ANKRD30BL: variants seen among roughly 807,000 people sequenced by gnomAD.
ANKRD30BL encodes the protein putative ankyrin repeat domain-containing protein 30B-like.
In ANKRD30BL, 20 loss-of-function variants were observed where a neutral mutation model predicts 18.4. The observed-to-expected ratio is 1.09, with a 90% CI of 0.77 to 1.58. The LOEUF (loss-of-function observed/expected upper bound fraction) is 1.58. Ranked by LOEUF, ANKRD30BL falls within the 40% of genes most tolerant of loss-of-function variation. The probability of loss-of-function intolerance (pLI) is 0.00; values close to 1 mark genes in which losing one functional copy is unlikely to be tolerated. For missense variants in ANKRD30BL, 224 were observed against 268.6 expected, an observed-to-expected ratio of 0.83 and a Z score of 1.16; for synonymous variants, 72 against 100.9, an observed-to-expected ratio of 0.71 and a Z score of 1.72.
upstream of ANKRD30BL, among the ~76,000 whole-genome samples, chr2:132,165,415 C>G (rs1251364003): frequency 6.6e-6 from 1 of 151,948 alleles, no homozygotes; most frequent in Non-Finnish European, 1.5e-5. Flanking sequence ...CATTTGCAGC[C>G]AGGCGCGGTG....
chr2:132,208,968 T>C lies in ANKRD30BL; in HGVS notation n.441+48561A>G, dbSNP rs557069862. ...TTTTTGTAGTGTCTGCAAGTGGATATTTGGAGCGCTTTACAGCCTATGGTG... is the reference window on the plus strand; with the variant it reads ...TTTTTGTAGTGTCTGCAAGTGGATACTTGGAGCGCTTTACAGCCTATGGTG... On this transcript the variant is annotated intron_variant and non_coding_transcript_variant, in intron 1 of 4. Transcript: ENST00000470729. Among the ~76,000 whole-genome samples the C allele has an allele frequency of 7.8e-4, 119 of 152,188 alleles. 3 individuals are homozygous for C. In the South Asian group the frequency reaches 0.02, roughly 25 times the overall value.
At chr2:132,220,625 C>T (rs539424557) in intron 1 of ANKRD30BL, among the ~76,000 whole-genome samples, 3,924 of 152,096 alleles carry the variant, frequency 0.026, 153 homozygotes, top group African/African-American at 0.09. Context: ...CTCGGCCTCC[C>T]GAGGTGCCGG....
chr2:132,163,956 T>C (rs1365207833), upstream of ANKRD30BL, among the ~76,000 whole-genome samples: 1 of 152,222 alleles, frequency 6.6e-6, no homozygotes, highest in Non-Finnish European at 1.5e-5. Context: ...ACTATAAATA[T>C]TTCTAAATGT....
chr2:132,162,181 G>T (rs540199490), upstream of ANKRD30BL, among the ~76,000 whole-genome samples: 1 of 152,112 alleles, frequency 6.6e-6, no homozygotes, highest in Non-Finnish European at 1.5e-5. Flanking sequence ...GGGCCCTGGC[G>T]CTGGGCATCG....
chr2:132,152,583 T>C (rs1316774398), intron 4 of ANKRD30BL: 7 of 152,218 alleles, frequency 4.6e-5, no homozygotes, highest in African/African-American at 1.2e-4. Context: ...CCACTACAAC[T>C]TGGGAAAGAT....
intron 1 of ANKRD30BL, among the ~76,000 whole-genome samples, chr2:132,198,324 C>CTTTCTTTCTTTCTT (rs1387738908): frequency 1.8e-4 from 3 of 16,814 alleles, no homozygotes; most frequent in East Asian, 2.6e-3. Flanking sequence ...TTCTTTCTTT[C>CTTTCTTTCTTTCTT]TTTTTTTTTT....
chr2:132,254,330 G>A (rs1253299442), intron 1 of ANKRD30BL, among the ~76,000 whole-genome samples: 15 of 152,322 alleles, frequency 9.8e-5, no homozygotes, highest in Admixed American at 8.5e-4. Context: ...CGTCTCCGTG[G>A]CTTCGCTCTT....
chr2:132,167,531 C>G (rs961637302), intron 1 of ANKRD30BL, among the ~76,000 whole-genome samples: 2 of 151,992 alleles, frequency 1.3e-5, no homozygotes, highest in Admixed American at 6.6e-5. Flanking sequence ...TCATGTTGGT[C>G]GGGCTAGCCT....
chr2:132,155,604 A>C (rs985195609), intron 3 of ANKRD30BL: 4 of 152,208 alleles, frequency 2.6e-5, no homozygotes, highest in Non-Finnish European at 5.9e-5. Flanking sequence ...GGCTATTAAA[A>C]ATTCAGTATA....
intron 1 of ANKRD30BL, among the ~76,000 whole-genome samples, chr2:132,191,855 C>T (rs1226421043): frequency 6.6e-6 from 1 of 151,224 alleles, no homozygotes; most frequent in African/African-American, 2.4e-5. Context: ...CATTATCCTG[C>T]CTCAGCCTCC....
At chr2:132,199,087 C>A (rs1679038228) in intron 1 of ANKRD30BL, among the ~76,000 whole-genome samples, 1 of 152,166 alleles carries the variant, frequency 6.6e-6, no homozygotes, top group South Asian at 2.1e-4. Flanking sequence ...TGCAGTGGCT[C>A]ACGCCTGTAA....
rs1277639939 is a variant in ANKRD30BL, at chr2:132,147,680, T to C, written c.*451A>G. On this transcript the variant is annotated 3_prime_UTR_variant, in exon 6 of 6. Transcript: ENST00000409867. The stretch of plus-strand genomic sequence containing the variant: ...TCACACCGGACAAGGGAGGGGAAAG[T>C]GTTCTTATTTCTAACGCAGCTAGTC... The C allele has an allele frequency of 6.5e-6, 1 of 154,968 alleles. No homozygotes were observed. The highest frequency in any genetic ancestry group is 2.0e-4 in the South Asian group (1 of 5,046). 9.6% of individuals were successfully genotyped at this position (154,968 alleles called of 1,614,324 possible). A position where few individuals can be genotyped will look rare whatever the true frequency, so the allele number is the denominator to read the frequency against.
intron 4 of ANKRD30BL, 129 bp from the exon 5 acceptor site, chr2:132,151,105 A>G (rs1687743268): frequency 2.6e-6 from 1 of 379,148 alleles, no homozygotes; most frequent in South Asian, 3.6e-5. Flanking sequence ...TACTTTTTCC[A>G]TAGACTTTAA....
At chr2:132,202,237 C>A (rs1283219482) in intron 1 of ANKRD30BL, among the ~76,000 whole-genome samples, 1 of 151,984 alleles carries the variant, frequency 6.6e-6, no homozygotes, top group Admixed American at 6.6e-5. Flanking sequence ...CACATGTATA[C>A]ATATGTAACT....
At chr2:132,251,800 T>A (rs563609477) in intron 1 of ANKRD30BL, among the ~76,000 whole-genome samples, 1 of 152,386 alleles carries the variant, frequency 6.6e-6, no homozygotes, top group East Asian at 1.9e-4. Context: ...ACTCTTTCTC[T>A]CTGTTTTCCA....
At chr2:132,245,209 T>C (rs1680462721) in intron 1 of ANKRD30BL, among the ~76,000 whole-genome samples, 2 of 152,416 alleles carry the variant, frequency 1.3e-5, no homozygotes, top group South Asian at 4.1e-4. Flanking sequence ...AACAGTCTTT[T>C]TGTACAATTT....
chr2:132,185,268 G>A (rs148323492), intron 1 of ANKRD30BL, among the ~76,000 whole-genome samples: 6,706 of 152,118 alleles, frequency 0.044, 458 homozygotes, highest in African/African-American at 0.15. Context: ...CGGCTCAATC[G>A]GCTCCACTTG....
intron 1 of ANKRD30BL, among the ~76,000 whole-genome samples, chr2:132,204,052 C>A (rs929318704): frequency 3.9e-5 from 6 of 152,190 alleles, no homozygotes; most frequent in African/African-American, 1.4e-4. Context: ...AGGAAGTTAT[C>A]TGGTGCTCCA....
At chr2:132,167,363 G>A (rs1037046064) in intron 1 of ANKRD30BL, among the ~76,000 whole-genome samples, 23 of 146,834 alleles carry the variant, frequency 1.6e-4, no homozygotes, top group African/African-American at 4.9e-4. Flanking sequence ...GCCTCACTCT[G>A]TCACACAGGC....
Sources: allele counts gnomAD v4.1 joint callset (sites outside exome capture counted in the v4.1 genomes callset), GRCh38; gene constraint gnomAD v4.1.1; transcripts MANE v1.5; gene names NCBI Gene and HGNC (gene_info 2026-07-23, HGNC 2026-07-21).